Variants in PTPRG observed in about 807,000 individuals in gnomAD.
PTPRG encodes protein tyrosine phosphatase receptor type G, also known as receptor-type tyrosine-protein phosphatase gamma.
PTPRG carries 102 observed loss-of-function variants against 165.3 expected under a neutral mutation model. The observed-to-expected ratio is 0.62, with a 90% confidence interval of 0.53 to 0.73. The LOEUF (loss-of-function observed/expected upper bound fraction) is 0.73. Among genes scored for constraint, PTPRG ranks in the 30% least tolerant of loss-of-function variants. The pLI is 0.00. For synonymous variants in PTPRG, 675 were observed against 669.5 expected (o/e 1.01, Z -0.13); for missense variants, 1,866 against 1,861.4 (o/e 1.00, Z -0.05).
chr3:61,874,990 C>T (rs1475301002), intron 2 of PTPRG, among the ~76,000 whole-genome samples: 1 of 152,178 alleles, frequency 6.6e-6, no homozygotes, highest in Non-Finnish European at 1.5e-5. Flanking sequence ...ACAACTCCAT[C>T]AGGTATATGG....
At chr3:61,851,788 C>T (rs2107367203) in intron 2 of PTPRG, among the ~76,000 whole-genome samples, 1 of 152,282 alleles carries the variant, frequency 6.6e-6, no homozygotes, top group African/African-American at 2.4e-5. Context: ...AGTACAGCTG[C>T]TACAATCAGT....
intron 4 of PTPRG, among the ~76,000 whole-genome samples, chr3:62,028,484 A>T (rs1699648056): frequency 6.6e-6 from 1 of 152,222 alleles, no homozygotes; most frequent in South Asian, 2.1e-4. Flanking sequence ...CATAAGAGGA[A>T]TAAGAATGCT....
At position 62,267,697 on chromosome 3, in the gene PTPRG, G is replaced by A; in HGVS notation, c.2752G>A (p.Ala918Thr). 6.2e-7 allele frequency: 1 copy of A among 1,612,966 alleles called. No individual in the cohort carries two copies. The highest frequency in any genetic ancestry group is 8.5e-7 in the Non-Finnish European group (1 of 1,179,398). Residue 918 changes from alanine (A) to threonine (T), a missense_variant, in exon 19 of 30, where the codon GCA (alanine) becomes ACA (threonine). Around this residue, in one of 3 missense-constraint regions of PTPRG, gnomAD observed 1,452 missense variants for 1,463.0 expected, o/e 0.99. Coordinates refer to ENST00000474889, the MANE Select transcript of PTPRG (RefSeq NM_002841.4). ...TGTCATTTTGAAGGGTTACAACAAA[G>A]CAAAAGCCTACATTGCCACCCAAGG... ...NANYVDGYNK[A>T]KAYIATQGPL...
rs771802509 is a variant in PTPRG, at chr3:62,218,852, G to A, written c.2157G>A (p.Ala719=). 3.1e-5 allele frequency: 50 copies of A among 1,611,682 alleles called. No individual in the cohort carries two copies. Among genetic ancestry groups the A allele is most frequent in the South Asian group, 1.5e-4 (14 of 90,576 alleles). ...EDSRFITVNP[A]EKNTSGMISR... is the part of the protein sequence containing the mutation. ...AACTGGGATGATTTCTCTTGGCAGC[G>A]GAAAAAAACACCTCTGGAATGATAA... Residue 719 remains alanine, a splice_region_variant and synonymous_variant, in exon 13 of 30, where the codon GCG becomes GCA. Transcript: ENST00000474889.
chr3:62,072,679 C>T (rs553468771), intron 4 of PTPRG, among the ~76,000 whole-genome samples: 140 of 151,866 alleles, frequency 9.2e-4, no homozygotes, highest in Non-Finnish European at 1.6e-3. Flanking sequence ...TCTGCTATCT[C>T]ATGGAACTCT....
intron 4 of PTPRG, among the ~76,000 whole-genome samples, chr3:62,012,285 C>G (rs551278324): frequency 1.2e-4 from 19 of 152,264 alleles, no homozygotes; most frequent in African/African-American, 4.6e-4. Context: ...ATCTCCAACA[C>G]CTTAACCATA....
chr3:61,994,547 A>G (rs2040974809), intron 3 of PTPRG, among the ~76,000 whole-genome samples: 1 of 152,160 alleles, frequency 6.6e-6, no homozygotes, highest in South Asian at 2.1e-4. Context: ...GAGGGAAACT[A>G]TGTATAGATG....
At position 62,047,263 on chromosome 3, in the gene PTPRG, T is replaced by TTATTTATTTATTTATTTATTTATG. The variant is rs72146414; in HGVS notation, c.520-30891_520-30890insATTTATTTATTTATGTATTTATTT. Among the ~76,000 whole-genome samples, 693 of 149,950 alleles carry TTATTTATTTATTTATTTATTTATG rather than the reference T, an allele frequency of 4.6e-3. 3 individuals carry two copies. Among genetic ancestry groups the TTATTTATTTATTTATTTATTTATG allele is most frequent in the South Asian group, 0.017 (79 of 4,734 alleles). On this transcript the variant is annotated intron_variant, in intron 4 of 29. Coordinates refer to ENST00000474889, the MANE Select transcript of PTPRG (RefSeq NM_002841.4). The stretch of plus-strand genomic sequence containing the variant: ...AGCTTCCTATTATTTATTTATTTAT[T>TTATTTATTTATTTATTTATTTATG]TATTTATTTTTATTGAGATGGAGTC...
At chr3:61,968,919 G>C (rs1221658641) in intron 2 of PTPRG, among the ~76,000 whole-genome samples, 1 of 152,132 alleles carries the variant, frequency 6.6e-6, no homozygotes, top group Non-Finnish European at 1.5e-5. Context: ...AAACCTGTAA[G>C]TTCTTTGAGA....
intron 4 of PTPRG, among the ~76,000 whole-genome samples, chr3:62,059,406 A>C (rs1700733154): frequency 1.3e-5 from 2 of 152,202 alleles, no homozygotes; most frequent in Non-Finnish European, 2.9e-5. Context: ...TTGTCCATAA[A>C]ACAGATCAGG....
chr3:61,756,030 G>A (rs1000395821), intron 2 of PTPRG, among the ~76,000 whole-genome samples: 3 of 152,158 alleles, frequency 2.0e-5, no homozygotes, highest in Admixed American at 1.3e-4. Context: ...ATTCATTATC[G>A]TTTGTACAAG....
chr3:61,912,254 C>A (rs892785078), intron 2 of PTPRG, among the ~76,000 whole-genome samples: 16 of 152,076 alleles, frequency 1.1e-4, no homozygotes, highest in Non-Finnish European at 1.2e-4. Flanking sequence ...TGGCCCCTTA[C>A]CACTATTAAG....
chr3:62,100,018 T>C (rs1196667239), intron 5 of PTPRG, among the ~76,000 whole-genome samples: 1 of 151,912 alleles, frequency 6.6e-6, no homozygotes, highest in Non-Finnish European at 1.5e-5. Flanking sequence ...AGGCTGGTCT[T>C]GAACTCCTGA....
chr3:61,671,728 G>A (rs1201542462), intron 1 of PTPRG, among the ~76,000 whole-genome samples: 24 of 145,912 alleles, frequency 1.6e-4, no homozygotes, highest in Admixed American at 4.8e-4. Flanking sequence ...GGGCAGAGGC[G>A]CCCCTCACCT....
At chr3:62,182,965 A>G (rs1048579449) in intron 8 of PTPRG, among the ~76,000 whole-genome samples, 2 of 152,150 alleles carry the variant, frequency 1.3e-5, no homozygotes, top group African/African-American at 2.4e-5. Context: ...AACAGTAACT[A>G]TTTCTAAAGT....
intron 2 of PTPRG, among the ~76,000 whole-genome samples, chr3:61,909,806 C>T (rs1185017207): frequency 1.3e-5 from 2 of 152,154 alleles, no homozygotes; most frequent in Non-Finnish European, 2.9e-5. Flanking sequence ...AATATTGCTG[C>T]CATGGTATTT....
intron 1 of PTPRG, among the ~76,000 whole-genome samples, chr3:61,673,473 T>C (rs1703106175): frequency 6.6e-6 from 1 of 152,216 alleles, no homozygotes; most frequent in Admixed American, 6.5e-5. Context: ...AGATGGTATA[T>C]ATTTCAATGC....
chr3:61,802,258 TA>T (rs2035273425), intron 2 of PTPRG, among the ~76,000 whole-genome samples: 1 of 152,256 alleles, frequency 6.6e-6, no homozygotes, highest in East Asian at 1.9e-4. Context: ...GTGGAACTTT[TA>T]AAAATCACCA....
At chr3:61,792,102 C>T (rs947761854) in intron 2 of PTPRG, among the ~76,000 whole-genome samples, 5 of 151,732 alleles carry the variant, frequency 3.3e-5, no homozygotes, top group Non-Finnish European at 4.4e-5. Flanking sequence ...TAGGGGAGCA[C>T]GGAAGATGAG....
Sources: gnomAD v4.1 joint callset for allele counts (sites outside exome capture counted in the v4.1 genomes callset) on GRCh38, gnomAD v4.1.1 for gene constraint, gnomAD v4.1.1 regional missense constraint, MANE v1.5 for transcripts, NCBI Gene and HGNC (gene_info 2026-07-23, HGNC 2026-07-21) for gene names.